Variants in GALNT14 observed in about 807,000 individuals in gnomAD.
GALNT14 encodes polypeptide N-acetylgalactosaminyltransferase 14, also known as UDP-GalNAc:polypeptide N-acetylgalactosaminyltransferase 14.
GALNT14 carries 60 observed loss-of-function variants against 77.5 expected under a neutral mutation model. The ratio of observed to expected loss-of-function variants is 0.77; its 90% CI spans 0.63 to 0.96. GALNT14 has a LOEUF of 0.96. Ranked by LOEUF, GALNT14 falls within the 40% of genes least tolerant of loss-of-function variation. GALNT14 has a pLI of 0.00. For synonymous variants in GALNT14, 280 were observed against 281.7 expected, an observed-to-expected ratio of 0.99 and a Z score of 0.06; for missense variants, 710 against 731.0, an observed-to-expected ratio of 0.97 and a Z score of 0.33.
intron 11 of GALNT14, among the ~76,000 whole-genome samples, chr2:30,928,265 T>A (rs954501802): frequency 6.6e-6 from 1 of 152,200 alleles, no homozygotes; most frequent in Non-Finnish European, 1.5e-5. Context: ...AAAAAACCCA[T>A]CTGCTCAACA....
chr2:30,939,900 C>T (rs1009473322), intron 9 of GALNT14, among the ~76,000 whole-genome samples: 2 of 152,066 alleles, frequency 1.3e-5, no homozygotes, highest in Admixed American at 6.5e-5. Context: ...TCCTCCTTCA[C>T]GCACTCAGGT....
intron 1 of GALNT14, among the ~76,000 whole-genome samples, chr2:31,066,292 C>T (rs1201251700): frequency 6.6e-6 from 1 of 152,152 alleles, no homozygotes; most frequent in Non-Finnish European, 1.5e-5. Flanking sequence ...TCCTAGCAGC[C>T]TCCCAGCTGT....
At chr2:30,969,407 T>A (rs1258539840) in intron 2 of GALNT14, among the ~76,000 whole-genome samples, 2 of 152,102 alleles carry the variant, frequency 1.3e-5, no homozygotes, top group Non-Finnish European at 2.9e-5. Flanking sequence ...TACAAGTTAC[T>A]CAGGGGCAAG....
chr2:31,093,393 C>T (rs150813578), intron 1 of GALNT14, among the ~76,000 whole-genome samples: 12 of 152,302 alleles, frequency 7.9e-5, no homozygotes, highest in African/African-American at 2.9e-4. Context: ...GCTTAAAGAA[C>T]TTGAAGTAAT....
At chr2:30,917,540 AGGGGT>A (rs1664760583) in intron 13 of GALNT14, among the ~76,000 whole-genome samples, 1 of 152,152 alleles carries the variant, frequency 6.6e-6, no homozygotes, top group Non-Finnish European at 1.5e-5. Context: ...TCTCTCCAGG[AGGGGT>A]GACACCACCA....
chr2:31,091,649 T>C (rs1029052233), intron 1 of GALNT14, among the ~76,000 whole-genome samples: 2 of 152,206 alleles, frequency 1.3e-5, no homozygotes, highest in Non-Finnish European at 2.9e-5. Context: ...TGAAAAGTCC[T>C]AGATCAAAGC....
the GALNT14 span, among the ~76,000 whole-genome samples, chr2:30,887,028 C>A: frequency 2.0e-5 from 3 of 152,226 alleles, no homozygotes; most frequent in African/African-American, 7.2e-5. Context: ...TTTTGAGGTT[C>A]ATCCACATCG....
chr2:30,995,886 T>C (rs1431489046), intron 1 of GALNT14, among the ~76,000 whole-genome samples: 2 of 152,222 alleles, frequency 1.3e-5, no homozygotes, highest in East Asian at 3.8e-4. Context: ...TATGTGATTA[T>C]GGAGGCTGAC....
At chr2:30,963,487 G>C (rs1667814734) in intron 3 of GALNT14, among the ~76,000 whole-genome samples, 1 of 152,154 alleles carries the variant, frequency 6.6e-6, no homozygotes, top group Admixed American at 6.5e-5. Context: ...AGGAAGAGGA[G>C]AAACATGTCT....
intron 2 of GALNT14, among the ~76,000 whole-genome samples, chr2:30,970,398 T>C (rs1200672720): frequency 6.6e-6 from 1 of 152,122 alleles, no homozygotes; most frequent in Non-Finnish European, 1.5e-5. Flanking sequence ...TGAGGATAAA[T>C]ACACATTTTT....
chr2:31,080,605 A>C (rs1269148438), intron 1 of GALNT14, among the ~76,000 whole-genome samples: 1 of 152,190 alleles, frequency 6.6e-6, no homozygotes, highest in Non-Finnish European at 1.5e-5. Context: ...AAGAAATCTA[A>C]ATTCAGGATG....
At chr2:30,982,734 G>T (rs1669062867) in intron 2 of GALNT14, among the ~76,000 whole-genome samples, 1 of 152,212 alleles carries the variant, frequency 6.6e-6, no homozygotes, top group East Asian at 1.9e-4. Flanking sequence ...CAGGAACATA[G>T]GTGTGTTCTC....
chr2:30,924,615 T>C (rs937479669), intron 12 of GALNT14, 125 bp downstream of exon 12: 3 of 742,440 alleles, frequency 4.0e-6, no homozygotes, highest in Non-Finnish European at 6.8e-6. Context: ...CAACTGGTCT[T>C]CTTACACCTC....
chr2:30,923,042 A>G lies in GALNT14; in HGVS notation c.1380+1077T>C, dbSNP rs555121423. The stretch of plus-strand genomic sequence containing the variant: ...GGGGTGAGGAGTTAGCAAGGAAGCC[A>G]TAGACAAACGTGCCTTTTTTTTTTT... On this transcript the variant is annotated intron_variant, in intron 13 of 14. Coordinates refer to ENST00000349752, the MANE Select transcript of GALNT14 (RefSeq NM_024572.4). 8.0e-5 allele frequency among the ~76,000 whole-genome samples: 12 copies of G among 150,258 alleles called. No individual in the cohort carries two copies. The South Asian group carries it at 1.7e-3, about 21-fold the overall frequency.
intron 1 of GALNT14, among the ~76,000 whole-genome samples, chr2:30,998,604 ATACT>A (rs1479277964): frequency 2.6e-5 from 4 of 152,246 alleles, no homozygotes; most frequent in Non-Finnish European, 2.9e-5. Flanking sequence ...CCCAGGAAGA[ATACT>A]TACTATGTGT....
intron 9 of GALNT14, among the ~76,000 whole-genome samples, chr2:30,938,895 G>C (rs1386048822): frequency 1.3e-5 from 2 of 152,248 alleles, no homozygotes; most frequent in Non-Finnish European, 1.5e-5. Flanking sequence ...CTATTACTTA[G>C]AAAGGAAAGA....
At chr2:30,977,002 C>T (rs917905290) in intron 2 of GALNT14, among the ~76,000 whole-genome samples, 3 of 152,022 alleles carry the variant, frequency 2.0e-5, no homozygotes, top group South Asian at 4.1e-4. Context: ...CCCTACCAGT[C>T]GGTGCCCTCA....
chr2:30,996,437 G>A (rs183365847), intron 1 of GALNT14, among the ~76,000 whole-genome samples: 211 of 152,360 alleles, frequency 1.4e-3, no homozygotes, highest in African/African-American at 4.3e-3. Context: ...GGGAAGGGAC[G>A]CTGGAACTGG....
chr2:30,887,956 C>A, the GALNT14 span, among the ~76,000 whole-genome samples: 2 of 152,216 alleles, frequency 1.3e-5, no homozygotes, highest in Non-Finnish European at 1.5e-5. Context: ...GGGGTGCAAC[C>A]TGGGACCTGT....
Sources: gnomAD v4.1 joint callset for allele counts (sites outside exome capture counted in the v4.1 genomes callset) on GRCh38, gnomAD v4.1.1 for gene constraint, MANE v1.5 for transcripts, NCBI Gene and HGNC (gene_info 2026-07-23, HGNC 2026-07-21) for gene names.